TNR: variants seen among roughly 807,000 people sequenced by gnomAD.
TNR encodes tenascin-R.
In TNR, 45 loss-of-function variants were observed where a neutral mutation model predicts 150.4. That is an observed-to-expected ratio of 0.30 (90% CI 0.24 to 0.38). TNR has a LOEUF of 0.38. Among genes scored for constraint, TNR ranks in the 10% least tolerant of loss-of-function variants. The probability of loss-of-function intolerance (pLI) is 1.00; values close to 1 mark genes in which losing one functional copy is unlikely to be tolerated. For synonymous variants in TNR, 687 were observed against 678.4 expected (o/e 1.01, Z -0.20); for missense variants, 1,544 against 1,759.1 (o/e 0.88, Z 2.19).
chr1:175,481,261 T>C (rs1210431256), intron 2 of TNR, among the ~76,000 whole-genome samples: 1 of 152,210 alleles, frequency 6.6e-6, no homozygotes, highest in Non-Finnish European at 1.5e-5. Flanking sequence ...TGAATGAATG[T>C]GAATTATCTA....
At position 175,608,751 on chromosome 1, in the gene TNR, C is replaced by T. The variant is rs115391792; in HGVS notation, c.-164-80382G>A. On this transcript the variant is annotated intron_variant, in intron 1 of 22. Transcript: ENST00000367674. ...GGAAATCAAACCCCAAAGCCTTGTACGTTTGAGAAGAGATGTTCAAATTTA... is the reference window on the plus strand; with the variant it reads ...GGAAATCAAACCCCAAAGCCTTGTATGTTTGAGAAGAGATGTTCAAATTTA... Among the ~76,000 whole-genome samples the T allele has an allele frequency of 5.2e-3, 799 of 152,242 alleles. 5 individuals carry two copies. Among genetic ancestry groups the T allele is most frequent in the African/African-American group, 0.018 (746 of 41,552 alleles).
intron 1 of TNR, among the ~76,000 whole-genome samples, chr1:175,703,546 T>C (rs1183452260): frequency 6.6e-6 from 1 of 152,224 alleles, no homozygotes; most frequent in Non-Finnish European, 1.5e-5. Flanking sequence ...CAGTTAACAC[T>C]TGGCTGTACT....
chr1:175,401,570 A>G (rs1055130493), intron 4 of TNR, among the ~76,000 whole-genome samples: 1 of 152,218 alleles, frequency 6.6e-6, no homozygotes, highest in Non-Finnish European at 1.5e-5. Flanking sequence ...ATAATTGGAT[A>G]TGGAAAAAAT....
chr1:175,405,592 TGA>T (rs754978943), intron 3 of TNR, among the ~76,000 whole-genome samples: 9 of 146,504 alleles, frequency 6.1e-5, no homozygotes, highest in South Asian at 2.3e-4. Context: ...TGTGCATGCG[TGA>T]GAGAGAGAGT....
intron 2 of TNR, among the ~76,000 whole-genome samples, chr1:175,473,358 G>GTTGA (rs1405253695): frequency 1.3e-5 from 2 of 152,200 alleles, no homozygotes; most frequent in Non-Finnish European, 2.9e-5. Flanking sequence ...CCCCAGAGAT[G>GTTGA]CTCTCGGACA....
intron 2 of TNR, among the ~76,000 whole-genome samples, chr1:175,451,233 T>TTA (rs1557942137): frequency 2.0e-4 from 30 of 151,436 alleles, no homozygotes; most frequent in East Asian, 5.8e-4. Context: ...TTTATTTTTT[T>TTA]ATTATACTTT....
intron 1 of TNR, among the ~76,000 whole-genome samples, chr1:175,726,267 C>T (rs1199516222): frequency 2.6e-5 from 4 of 152,168 alleles, no homozygotes; most frequent in Non-Finnish European, 5.9e-5. Context: ...CAGGCATCTA[C>T]CCTATGTTAC....
chr1:175,681,440 G>T lies in TNR; in HGVS notation c.-165+61786C>A, dbSNP rs559506732. Among the ~76,000 whole-genome samples, 7 of 152,338 alleles carry T rather than the reference G, an allele frequency of 4.6e-5. No individual in the cohort carries two copies. The South Asian group carries it at 1.4e-3, about 32-fold the overall frequency. On this transcript the variant is annotated intron_variant, in intron 1 of 22. Coordinates refer to ENST00000367674, the MANE Select transcript of TNR (RefSeq NM_003285.3). ...CTGGCTTTCATGGCAAACTATGCTT[G>T]CAGCAAAGAGAGCAGGAGCGAGGAG...
At chr1:175,559,977 C>T (rs1455679457) in intron 1 of TNR, among the ~76,000 whole-genome samples, 3 of 152,180 alleles carry the variant, frequency 2.0e-5, no homozygotes, top group Non-Finnish European at 4.4e-5. Flanking sequence ...GAGATGATTG[C>T]CTCTTTTGTC....
At chr1:175,460,463 C>T (rs766348214) in intron 2 of TNR, among the ~76,000 whole-genome samples, 1 of 151,736 alleles carries the variant, frequency 6.6e-6, no homozygotes, top group Non-Finnish European at 1.5e-5. Context: ...TCCAGTCAGC[C>T]CTTAGATTTC....
At position 175,323,289 on chromosome 1, in the gene TNR, C is replaced by G. The variant is rs1159638248; in HGVS notation, c.*68G>C. Reference sequence around the variant, plus strand: ...AAAACACATTGCTATTACCCTCCCCCCTTGTTTCATATTATAAAATACAAA... The same window carrying G: ...AAAACACATTGCTATTACCCTCCCCGCTTGTTTCATATTATAAAATACAAA... On this transcript the variant is annotated 3_prime_UTR_variant, in exon 23 of 23. Coordinates refer to ENST00000367674, the MANE Select transcript of TNR (RefSeq NM_003285.3). 49 of 1,588,972 alleles carry G rather than the reference C, an allele frequency of 3.1e-5. No homozygotes were observed. The highest frequency in any genetic ancestry group is 1.1e-5 in the South Asian group (1 of 88,454).
intron 2 of TNR, among the ~76,000 whole-genome samples, chr1:175,423,735 C>T (rs1654851622): frequency 6.6e-6 from 1 of 152,166 alleles, no homozygotes; most frequent in African/African-American, 2.4e-5. Flanking sequence ...GCAGGCTGGC[C>T]TGAGCAGGGC....
At chr1:175,448,704 G>A (rs1376457242) in intron 2 of TNR, among the ~76,000 whole-genome samples, 1 of 152,232 alleles carries the variant, frequency 6.6e-6, no homozygotes. Context: ...TCCCAGGTGG[G>A]TAGCAGTGTT....
At chr1:175,423,022 G>A (rs1176576175) in intron 2 of TNR, among the ~76,000 whole-genome samples, 3 of 152,174 alleles carry the variant, frequency 2.0e-5, no homozygotes, top group African/African-American at 7.2e-5. Flanking sequence ...TGTCTCTCGT[G>A]CCACTTCCAT....
At chr1:175,725,188 GC>G (rs1293907478) in intron 1 of TNR, among the ~76,000 whole-genome samples, 1 of 152,316 alleles carries the variant, frequency 6.6e-6, no homozygotes, top group South Asian at 2.1e-4. Flanking sequence ...ATGTGAGGAT[GC>G]AATGAGGAGG....
rs1042237405 is a variant in TNR, at chr1:175,360,284, C to T, written c.2855-553G>A. ...TCCACCCATGGAATGACTGCGTGGGCTCAGTCAGGTTGCCTCAAAAGTCAT... is the reference window on the plus strand; with the variant it reads ...TCCACCCATGGAATGACTGCGTGGGTTCAGTCAGGTTGCCTCAAAAGTCAT... On this transcript the variant is annotated intron_variant, in intron 14 of 22. Transcript: ENST00000367674. Among the ~76,000 whole-genome samples the T allele has an allele frequency of 1.3e-5, 2 of 152,204 alleles. 1 individual carries two copies. Among genetic ancestry groups the T allele is most frequent in the South Asian group, 4.1e-4 (2 of 4,822 alleles).
chr1:175,336,395 A>C (rs529895716), intron 19 of TNR, among the ~76,000 whole-genome samples: 1 of 152,254 alleles, frequency 6.6e-6, no homozygotes, highest in Admixed American at 6.5e-5. Context: ...GTCTCCCAAG[A>C]GTAGCTGTTA....
At chr1:175,630,875 G>C (rs1034631699) in intron 1 of TNR, among the ~76,000 whole-genome samples, 2 of 152,330 alleles carry the variant, frequency 1.3e-5, no homozygotes, top group African/African-American at 4.8e-5. Context: ...CAAACAAGGG[G>C]AGCAGGGCAG....
Position 175,402,353 on chromosome 1 carries a change from A to G in TNR, c.976+787T>C, listed in dbSNP as rs1421860894. On this transcript the variant is annotated intron_variant, in intron 4 of 22. Coordinates refer to ENST00000367674, the MANE Select transcript of TNR (RefSeq NM_003285.3). ...AAAAAAAAAAAGGGAATCAGCCCCAATGAGATACTTTTTTTTTTTTTTCTC... is the reference window on the plus strand; with the variant it reads ...AAAAAAAAAAAGGGAATCAGCCCCAGTGAGATACTTTTTTTTTTTTTTCTC... 5.3e-5 allele frequency among the ~76,000 whole-genome samples: 8 copies of G among 149,818 alleles called. No homozygotes were observed. In the East Asian group the frequency reaches 5.8e-4, roughly 11 times the overall value.
Sources: allele counts gnomAD v4.1 joint callset (sites outside exome capture counted in the v4.1 genomes callset), GRCh38; gene constraint gnomAD v4.1.1; transcripts MANE v1.5; gene names NCBI Gene and HGNC (gene_info 2026-07-23, HGNC 2026-07-21).